FARP1: variants seen among roughly 807,000 people sequenced by gnomAD.
FARP1 encodes FERM, ARHGEF and pleckstrin domain-containing protein 1.
A neutral mutation model predicts 128.8 loss-of-function variants in FARP1; 52 were observed. The observed-to-expected ratio is 0.40, with a 90% CI of 0.32 to 0.51. The LOEUF (loss-of-function observed/expected upper bound fraction) is 0.51. Ranked by LOEUF, FARP1 falls within the 20% of genes least tolerant of loss-of-function variation. The probability of loss-of-function intolerance (pLI) is 0.45; values close to 1 mark genes in which losing one functional copy is unlikely to be tolerated. For synonymous variants in FARP1, 580 were observed against 551.8 expected (o/e 1.05, Z -0.72); for missense variants, 1,333 against 1,367.9 (o/e 0.97, Z 0.40).
rs776919875 is a variant in FARP1 at position 98,213,305 on chromosome 13, G to A, written c.63G>A (p.Gly21=). The change falls in exon 2 of 27, where the codon GGG becomes GGA. Residue 21 remains glycine (G), a synonymous_variant. Coordinates refer to ENST00000319562, the MANE Select transcript of FARP1 (RefSeq NM_005766.4). ...GACTGGGGGCCCCGGAAAATTCGGG[G>A]ATCAGTACCTTGGAACGTGGACAGA... ...GSRLGAPENS[G]ISTLERGQKP... The A allele has an allele frequency of 5.0e-6, 8 of 1,614,012 alleles. No individual in the cohort carries two copies. In the South Asian group the frequency reaches 7.7e-5, roughly 16 times the overall value.
chr13:98,236,057 C>T (rs747645445), intron 2 of FARP1, among the ~76,000 whole-genome samples: 16 of 152,160 alleles, frequency 1.1e-4, no homozygotes, highest in Non-Finnish European at 2.2e-4. Context: ...CTCCCGACCT[C>T]AGGTGATCTG....
intron 2 of FARP1, 42 bp from the exon 3 acceptor site, chr13:98,343,720 C>T (rs776068697): frequency 4.8e-5 from 66 of 1,371,736 alleles, no homozygotes; most frequent in Middle Eastern, 1.9e-4. Flanking sequence ...TGTTTTCATC[C>T]GTGCCTGCCT....
intron 2 of FARP1, among the ~76,000 whole-genome samples, chr13:98,236,348 T>C (rs1594305108): frequency 6.6e-6 from 1 of 152,280 alleles, no homozygotes; most frequent in East Asian, 1.9e-4. Context: ...ATTAAAACCA[T>C]GTAAGGCCAT....
Position 98,359,251 on chromosome 13 carries a change from T to C in FARP1, c.277-6144T>C, listed in dbSNP as rs1888764671. ...TCATGTGTGAAGTGACCACATTGTT[T>C]TGAATATTAAATGAGAATGTGTGAA... is the stretch of plus-strand genomic sequence containing the variant. On this transcript the variant is annotated intron_variant, in intron 3 of 26. Coordinates refer to ENST00000319562, the MANE Select transcript of FARP1 (RefSeq NM_005766.4). Among the ~76,000 whole-genome samples the C allele has an allele frequency of 2.0e-5, 3 of 152,220 alleles. No homozygotes were observed. In the South Asian group the frequency reaches 6.2e-4, roughly 32 times the overall value.
At chr13:98,268,562 G>T (rs1884239518) in intron 2 of FARP1, among the ~76,000 whole-genome samples, 1 of 152,114 alleles carries the variant, frequency 6.6e-6, no homozygotes, top group African/African-American at 2.4e-5. Context: ...CCACCTCCTG[G>T]GTTCAAATGA....
At chr13:98,293,023 G>T (rs1450225071) in intron 2 of FARP1, among the ~76,000 whole-genome samples, 1 of 152,096 alleles carries the variant, frequency 6.6e-6, no homozygotes, top group Non-Finnish European at 1.5e-5. Flanking sequence ...AGGAAAGAAA[G>T]GGGGAAGCAG....
intron 2 of FARP1, among the ~76,000 whole-genome samples, chr13:98,338,227 G>A (rs1887822437): frequency 1.3e-5 from 2 of 152,130 alleles, no homozygotes; most frequent in East Asian, 1.9e-4. Context: ...CATCCACATC[G>A]TTGTGTGATT....
At chr13:98,165,784 C>T (rs1398925951) in intron 1 of FARP1, among the ~76,000 whole-genome samples, 1 of 121,726 alleles carries the variant, frequency 8.2e-6, no homozygotes, top group Non-Finnish European at 1.6e-5. Flanking sequence ...GTGGTGCGAT[C>T]TCGGGTCACT....
At chr13:98,309,823 C>G (rs1193841956) in intron 2 of FARP1, among the ~76,000 whole-genome samples, 3 of 152,224 alleles carry the variant, frequency 2.0e-5, no homozygotes, top group Non-Finnish European at 4.4e-5. Context: ...TGGGTGAACG[C>G]TTGCATTGTT....
At chr13:98,337,538 CGTGTGTGTGTGTGTGTGTGTGTGTGT>C (rs60625244) in intron 2 of FARP1, among the ~76,000 whole-genome samples, 5 of 132,006 alleles carry the variant, frequency 3.8e-5, no homozygotes, top group East Asian at 2.5e-4. Flanking sequence ...TCTGTGTAGC[CGTGTGTGTGTGTGTGTGTGTGTGTGT>C]GTGTGTGTGT....
At position 98,190,778 on chromosome 13, in the gene FARP1, C is replaced by T. The variant is rs1594250448; in HGVS notation, c.-23-22442C>T. On this transcript the variant is annotated intron_variant, in intron 1 of 26. Coordinates refer to ENST00000319562, the MANE Select transcript of FARP1 (RefSeq NM_005766.4). ...AGAGACAGGGTCTTGAACTTCTGGCCTCAAGTGATTCTCCCCGCTTGGCCT... is the reference window on the plus strand; with the variant it reads ...AGAGACAGGGTCTTGAACTTCTGGCTTCAAGTGATTCTCCCCGCTTGGCCT... 3.3e-5 allele frequency among the ~76,000 whole-genome samples: 5 copies of T among 149,584 alleles called. 1 individual carries two copies. Among genetic ancestry groups the T allele is most frequent in the African/African-American group, 1.2e-4 (5 of 40,428 alleles).
At position 98,176,592 on chromosome 13, in the gene FARP1, G is replaced by A. The variant is rs779584584; in HGVS notation, c.-24+33100G>A. On this transcript the variant is annotated intron_variant, in intron 1 of 26. Transcript: ENST00000319562. This position sits in a 1 kb window ranked among gnomAD's most constrained non-coding sequence, Gnocchi z 6.2. ...ACCCGAGCTTGTAATCGGAACGGTC[G>A]TGGAGGAATTTGCAGCTGTCCCCGA... 1.9e-6 allele frequency: 3 copies of A among 1,614,198 alleles called. No homozygotes were observed. The highest frequency in any genetic ancestry group is 1.1e-5 in the South Asian group (1 of 91,084).
At chr13:98,259,118 G>C (rs1437694937) in intron 2 of FARP1, among the ~76,000 whole-genome samples, 1 of 152,166 alleles carries the variant, frequency 6.6e-6, no homozygotes, top group Non-Finnish European at 1.5e-5. Flanking sequence ...GGCTGAGGTG[G>C]GAGGATTGCT....
At chr13:98,370,545 G>A (rs1288251101) in intron 5 of FARP1, among the ~76,000 whole-genome samples, 1 of 145,498 alleles carries the variant, frequency 6.9e-6, no homozygotes, top group African/African-American at 2.6e-5. Flanking sequence ...GGGAGGGAGA[G>A]GGGGCACTTA....
intron 1 of FARP1, among the ~76,000 whole-genome samples, chr13:98,156,124 A>G (rs1462547507): frequency 6.6e-6 from 1 of 152,230 alleles, no homozygotes; most frequent in Non-Finnish European, 1.5e-5. Context: ...ATTATGATAC[A>G]AATCATGGAT....
intron 11 of FARP1, among the ~76,000 whole-genome samples, 158 bp from the exon 12 acceptor site, chr13:98,393,485 A>G (rs1890390869): frequency 4.6e-5 from 7 of 152,242 alleles, no homozygotes; most frequent in Admixed American, 3.9e-4. Flanking sequence ...ATGACTGCGT[A>G]TGTTTCCAAG....
chr13:98,230,379 A>C (rs1433288885), intron 2 of FARP1, among the ~76,000 whole-genome samples: 1 of 152,214 alleles, frequency 6.6e-6, no homozygotes, highest in Non-Finnish European at 1.5e-5. Flanking sequence ...AAAATGCATA[A>C]ATGGTTAAAG....
At position 98,159,967 on chromosome 13, in the gene FARP1, T is replaced by C. The variant is rs192444494; in HGVS notation, c.-24+16475T>C. On this transcript the variant is annotated intron_variant, in intron 1 of 26. Coordinates refer to ENST00000319562, the MANE Select transcript of FARP1 (RefSeq NM_005766.4). ...TTCATCATCATTTTCGGCATTGTAG[T>C]ACAATTTTGTTTTCCTTCAAGGCAT... Among the ~76,000 whole-genome samples, 207 of 152,330 alleles carry C rather than the reference T, an allele frequency of 1.4e-3. 2 individuals carry two copies. The highest frequency in any genetic ancestry group is 7.5e-3 in the Admixed American group (114 of 15,292).
Position 98,271,967 on chromosome 13 carries a change from G to A in FARP1, c.171+58554G>A, listed in dbSNP as rs554456754. Among the ~76,000 whole-genome samples, 88 of 152,162 alleles carry A rather than the reference G, an allele frequency of 5.8e-4. 1 individual carries two copies. The Middle Eastern group carries it at 0.01, about 18-fold the overall frequency. ...TTTATACCCAGTAATGGAATTGCTG[G>A]GTCAAATGGTATTTCTAGTTCTAGA... On this transcript the variant is annotated intron_variant, in intron 2 of 26. Coordinates refer to ENST00000319562, the MANE Select transcript of FARP1 (RefSeq NM_005766.4).
Sources: gnomAD v4.1 joint callset for allele counts (sites outside exome capture counted in the v4.1 genomes callset) on GRCh38, gnomAD v4.1.1 for gene constraint, Gnocchi (gnomAD v3.1) non-coding constraint, MANE v1.5 for transcripts, NCBI Gene and HGNC (gene_info 2026-07-23, HGNC 2026-07-21) for gene names.